Variants in UGT8 observed in about 807,000 individuals in gnomAD.
The protein encoded by UGT8 is UDP glycosyltransferase 8.
A neutral mutation model predicts 40.5 loss-of-function variants in UGT8; 12 were observed. That is an observed-to-expected ratio of 0.30 (90% CI 0.19 to 0.48). UGT8 has a LOEUF of 0.48. UGT8 is among the 20% of genes least tolerant of loss of function. The pLI is 0.99. For missense variants in UGT8, 513 were observed against 648.7 expected, an observed-to-expected ratio of 0.79 and a Z score of 2.27; for synonymous variants, 224 against 240.4, an observed-to-expected ratio of 0.93 and a Z score of 0.63.
intron 1 of UGT8, among the ~76,000 whole-genome samples, chr4:114,617,417 C>A (rs1239041608): frequency 6.6e-6 from 1 of 152,126 alleles, no homozygotes; most frequent in Non-Finnish European, 1.5e-5. Context: ...GTAGACACAC[C>A]TATTAAAATG....
chr4:114,658,760 A>G (rs1734343823), intron 2 of UGT8, among the ~76,000 whole-genome samples: 1 of 152,200 alleles, frequency 6.6e-6, no homozygotes, highest in Non-Finnish European at 1.5e-5. Context: ...TTAAGAAGGC[A>G]TTACCCAATG....
chr4:114,619,177 A>G (rs1731620395), intron 1 of UGT8, among the ~76,000 whole-genome samples: 1 of 152,108 alleles, frequency 6.6e-6, no homozygotes, highest in African/African-American at 2.4e-5. Context: ...GAAGAAATGT[A>G]TCAGTCTATT....
intron 5 of UGT8, among the ~76,000 whole-genome samples, chr4:114,671,019 G>A (rs1262806652): frequency 6.6e-6 from 1 of 152,048 alleles, no homozygotes; most frequent in Non-Finnish European, 1.5e-5. Context: ...ACCAACAATA[G>A]GCAAGCAGAG....
intron 2 of UGT8, among the ~76,000 whole-genome samples, chr4:114,659,461 T>G (rs1459659434): frequency 6.6e-6 from 1 of 152,196 alleles, no homozygotes. Flanking sequence ...CAGTATTTGG[T>G]CCCTTATTGT....
intron 2 of UGT8, among the ~76,000 whole-genome samples, chr4:114,650,120 C>G (rs1404200332): frequency 1.3e-5 from 2 of 152,118 alleles, no homozygotes; most frequent in African/African-American, 2.4e-5. Flanking sequence ...ATTGATTCTC[C>G]TCTCTTCAGG....
rs1382847621 is a variant in UGT8, at chr4:114,631,882, C to G, written c.822+8180C>G. ...TGGATATGTATCTAGATTTCAAGAACTAGAAAAGCCCTGGATTACACTGTA... is the reference window on the plus strand; with the variant it reads ...TGGATATGTATCTAGATTTCAAGAAGTAGAAAAGCCCTGGATTACACTGTA... On this transcript the variant is annotated intron_variant, in intron 2 of 5. Coordinates refer to ENST00000310836, the MANE Select transcript of UGT8 (RefSeq NM_001128174.3). Among the ~76,000 whole-genome samples the G allele has an allele frequency of 2.0e-5, 3 of 152,198 alleles. No homozygotes were observed. The East Asian group carries it at 5.8e-4, about 29-fold the overall frequency.
intron 1 of UGT8, among the ~76,000 whole-genome samples, 186 bp downstream of exon 1, chr4:114,599,160 G>A (rs1194042624): frequency 6.6e-6 from 1 of 152,068 alleles, no homozygotes; most frequent in Non-Finnish European, 1.5e-5. Context: ...AGTGGGGGTT[G>A]GCGGGGTAGG....
At chr4:114,664,825 C>T (rs771124109) in intron 3 of UGT8, among the ~76,000 whole-genome samples, 3 of 152,160 alleles carry the variant, frequency 2.0e-5, no homozygotes, top group Non-Finnish European at 4.4e-5. Flanking sequence ...GATACAACGT[C>T]GGTCCCATAG....
At chr4:114,603,052 A>G (rs75451433) in intron 1 of UGT8, among the ~76,000 whole-genome samples, 3,170 of 152,240 alleles carry the variant, frequency 0.021, 57 homozygotes, top group Non-Finnish European at 0.031. Flanking sequence ...GTGGGATGAA[A>G]AAAAGGGGTT....
intron 5 of UGT8, among the ~76,000 whole-genome samples, chr4:114,669,460 A>G (rs1293210713): frequency 6.6e-6 from 1 of 152,078 alleles, no homozygotes; most frequent in Non-Finnish European, 1.5e-5. Context: ...GTATGTATGT[A>G]TCTATCTTCA....
At chr4:114,599,646 G>C (rs563402273) in intron 1 of UGT8, among the ~76,000 whole-genome samples, 58 of 152,336 alleles carry the variant, frequency 3.8e-4, no homozygotes, top group African/African-American at 1.4e-3. Context: ...GAATGGTACG[G>C]GGTGCCCTTG....
chr4:114,652,585 T>G (rs899317327), intron 2 of UGT8, among the ~76,000 whole-genome samples: 3 of 152,032 alleles, frequency 2.0e-5, no homozygotes, highest in African/African-American at 7.2e-5. Context: ...AAGACATACC[T>G]CTATTACAGA....
At chr4:114,619,769 G>T (rs2126095275) in intron 1 of UGT8, among the ~76,000 whole-genome samples, 3 of 151,786 alleles carry the variant, frequency 2.0e-5, no homozygotes, top group East Asian at 3.9e-4. Flanking sequence ...ATCCTCTCCT[G>T]CACTAAATGA....
chr4:114,671,262 C>T (rs954441998), intron 5 of UGT8, among the ~76,000 whole-genome samples: 1 of 152,116 alleles, frequency 6.6e-6, no homozygotes, highest in Admixed American at 6.5e-5. Context: ...ATGCTATTCC[C>T]ATCAAACTAC....
chr4:114,619,978 AATTAT>A (rs1456141249), intron 1 of UGT8, among the ~76,000 whole-genome samples: 1 of 151,408 alleles, frequency 6.6e-6, no homozygotes, highest in Non-Finnish European at 1.5e-5. Flanking sequence ...ATAATAACAT[AATTAT>A]ATTAAAATAT....
At chr4:114,661,286 CGTGT>C (rs1249387576) in intron 2 of UGT8, among the ~76,000 whole-genome samples, 1 of 151,412 alleles carries the variant, frequency 6.6e-6, no homozygotes. Context: ...TGTGTGTGTG[CGTGT>C]GTGTGTGTTG....
chr4:114,668,182 T>C lies in UGT8; in HGVS notation c.1140T>C (p.Phe380=). The change falls in exon 5 of 6, where the codon TTT becomes TTC. Residue 380 remains phenylalanine, a synonymous_variant. Coordinates refer to ENST00000310836, the MANE Select transcript of UGT8 (RefSeq NM_001128174.3). ...TGCCTGTAGTGGGAATTCCACTCTT[T>C]GGAGACCATTATGATACTATGACCA... The part of the protein sequence containing the change: ...HGVPVVGIPL[F]GDHYDTMTRV... 1 of 1,613,934 alleles carries C rather than the reference T, an allele frequency of 6.2e-7. No homozygotes were observed. The highest frequency in any genetic ancestry group is 8.5e-7 in the Non-Finnish European group (1 of 1,179,838).
At chr4:114,602,936 A>G (rs929629227) in intron 1 of UGT8, among the ~76,000 whole-genome samples, 2 of 152,206 alleles carry the variant, frequency 1.3e-5, no homozygotes, top group Non-Finnish European at 2.9e-5. Context: ...ACAGCAAGCA[A>G]TCTAGAAGGA....
chr4:114,609,616 T>C (rs1730925566), intron 1 of UGT8, among the ~76,000 whole-genome samples: 1 of 152,070 alleles, frequency 6.6e-6, no homozygotes, highest in African/African-American at 2.4e-5. Context: ...TTTACAAATT[T>C]GTGTGGGGGA....
Sources: gnomAD v4.1 joint callset for allele counts (sites outside exome capture counted in the v4.1 genomes callset) on GRCh38, gnomAD v4.1.1 for gene constraint, MANE v1.5 for transcripts, NCBI Gene and HGNC (gene_info 2026-07-23, HGNC 2026-07-21) for gene names.